The following MUSK variants were observed in gnomAD, a reference collection of about 807,000 sequenced individuals.
The protein encoded by MUSK is muscle, skeletal receptor tyrosine-protein kinase.
Under a neutral mutation model 88.7 loss-of-function variants are expected in MUSK, and 55 were observed. That is an observed-to-expected ratio of 0.62 (90% CI 0.50 to 0.78). The LOEUF is 0.78. MUSK is among the 30% of genes least tolerant of loss of function. The probability of loss-of-function intolerance (pLI) is 0.00; values close to 1 mark genes in which losing one functional copy is unlikely to be tolerated. For synonymous variants in MUSK, 387 were observed against 391.9 expected, an observed-to-expected ratio of 0.99 and a Z score of 0.15; for missense variants, 1,015 against 1,074.3, an observed-to-expected ratio of 0.94 and a Z score of 0.77.
chr9:110,690,124 A>AAATATATAAATATATAAATATATATT lies in MUSK; in HGVS notation c.358+2856_358+2857insAATATATAAATATATAAATATATATT, dbSNP rs1564219090. ...GTATAAATATAGAAATATATATTAT[A>AAATATATAAATATATAAATATATATT]TAAGTATAAATATAGAAATATATAT... On this transcript the variant is annotated intron_variant, in intron 3 of 14. Transcript: ENST00000374448. Among the ~76,000 whole-genome samples, 431 of 94,510 alleles carry AAATATATAAATATATAAATATATATT rather than the reference A, an allele frequency of 4.6e-3. 8 individuals carry two copies. Among genetic ancestry groups the AAATATATAAATATATAAATATATATT allele is most frequent in the African/African-American group, 0.018 (416 of 22,734 alleles). The allele number at this position is 94,510 out of a possible 152,430, so 62.0% of individuals were successfully genotyped here. A position where few individuals can be genotyped will look rare whatever the true frequency, so the allele number is the denominator to read the frequency against.
chr9:110,745,980 C>T (rs1398097389), intron 6 of MUSK, among the ~76,000 whole-genome samples: 1 of 152,210 alleles, frequency 6.6e-6, no homozygotes, highest in African/African-American at 2.4e-5. Flanking sequence ...GAGCTTTCTT[C>T]TTCCTGGCTA....
chr9:110,694,283 AGC>A (rs1564223950), intron 3 of MUSK, among the ~76,000 whole-genome samples: 1 of 148,398 alleles, frequency 6.7e-6, no homozygotes, highest in Non-Finnish European at 1.5e-5. Flanking sequence ...CTACTCGGGA[AGC>A]TGAGGCAGGA....
chr9:110,725,117 A>C (rs1034088971), intron 5 of MUSK, among the ~76,000 whole-genome samples: 1 of 152,018 alleles, frequency 6.6e-6, no homozygotes, highest in African/African-American at 2.4e-5. Flanking sequence ...ACCTGGTTGG[A>C]ATTGGAGATC....
intron 7 of MUSK, among the ~76,000 whole-genome samples, chr9:110,752,269 C>G (rs770649815): frequency 2.0e-5 from 3 of 152,178 alleles, no homozygotes; most frequent in Non-Finnish European, 2.9e-5. Context: ...GAAACTACCT[C>G]CCAACACTGG....
chr9:110,751,538 C>T (rs555372316), intron 7 of MUSK, among the ~76,000 whole-genome samples: 39 of 152,264 alleles, frequency 2.6e-4, no homozygotes, highest in South Asian at 1.2e-3. Context: ...GCTGCAGCAG[C>T]AGAGGTGAGT....
At chr9:110,769,110 C>T (rs2077528549) in intron 9 of MUSK, among the ~76,000 whole-genome samples, 1 of 152,156 alleles carries the variant, frequency 6.6e-6, no homozygotes, top group South Asian at 2.1e-4. Context: ...AAATCACACT[C>T]ATGGAATATG....
chr9:110,773,575 A>T (rs1000723509), intron 9 of MUSK, among the ~76,000 whole-genome samples: 2 of 152,068 alleles, frequency 1.3e-5, no homozygotes, highest in Non-Finnish European at 1.5e-5. Flanking sequence ...TCCTAATTTA[A>T]ATTCACTTCT....
At chr9:110,783,202 G>A (rs916574808) in intron 11 of MUSK, among the ~76,000 whole-genome samples, 3 of 151,952 alleles carry the variant, frequency 2.0e-5, no homozygotes, top group Non-Finnish European at 1.5e-5. Flanking sequence ...TTTCGTTTAG[G>A]ATCTTCTAAA....
chr9:110,770,638 CA>C (rs1564281074), intron 9 of MUSK, among the ~76,000 whole-genome samples: 1 of 151,156 alleles, frequency 6.6e-6, no homozygotes, highest in African/African-American at 2.4e-5. Flanking sequence ...ACTTAGGGCA[CA>C]GAGCTATATT....
At chr9:110,697,979 C>T (rs998776345) in intron 5 of MUSK, among the ~76,000 whole-genome samples, 4 of 151,086 alleles carry the variant, frequency 2.6e-5, no homozygotes, top group Non-Finnish European at 5.9e-5. Context: ...TTATCAAAAT[C>T]GTTTTTCTTT....
chr9:110,671,883 G>T (rs1366563041), intron 1 of MUSK, among the ~76,000 whole-genome samples: 1 of 152,188 alleles, frequency 6.6e-6, no homozygotes, highest in Non-Finnish European at 1.5e-5. Flanking sequence ...ACTATCAAAA[G>T]TCTCACTTTC....
intron 9 of MUSK, among the ~76,000 whole-genome samples, chr9:110,774,764 C>T (rs1321192590): frequency 2.6e-5 from 4 of 152,048 alleles, no homozygotes; most frequent in Admixed American, 2.6e-4. Flanking sequence ...TTCATATGCA[C>T]AGCCTTTTAT....
At position 110,717,177 on chromosome 9, in the gene MUSK, C is replaced by T. The variant is rs189977256; in HGVS notation, c.629-17074C>T. On this transcript the variant is annotated intron_variant, in intron 5 of 14. Transcript: ENST00000374448. ...TGTATTATGCTGTTTCTTTTCTCTG[C>T]TTCTTTTTTTAATTCCTTTTCTGTT... is the stretch of plus-strand genomic sequence containing the variant. Among the ~76,000 whole-genome samples the T allele has an allele frequency of 2.5e-3, 380 of 149,442 alleles. 37 individuals carry two copies. Among genetic ancestry groups the T allele is most frequent in the African/African-American group, 8.5e-3 (337 of 39,436 alleles).
chr9:110,689,468 TATGTAAA>T (rs1170069429), intron 3 of MUSK, among the ~76,000 whole-genome samples: 4 of 110,314 alleles, frequency 3.6e-5, no homozygotes, highest in African/African-American at 8.2e-5. Context: ...TATTTATATA[TATGTAAA>T]AAATATAAAA....
chr9:110,744,129 A>G (rs1008294004), intron 6 of MUSK, among the ~76,000 whole-genome samples: 7 of 152,008 alleles, frequency 4.6e-5, no homozygotes, highest in African/African-American at 1.7e-4. Flanking sequence ...CATCAAGCCC[A>G]GCTAACTTTT....
At chr9:110,788,244 G>A (rs1161016830) in intron 14 of MUSK, 1 of 170,660 alleles carries the variant, frequency 5.9e-6, no homozygotes, top group African/African-American at 2.4e-5. Flanking sequence ...TCATTGTTGA[G>A]TTCCAGTTTA....
chr9:110,787,643 T>C (rs1219020127), intron 13 of MUSK, 47 bp from the exon 14 acceptor site: 1 of 1,585,112 alleles, frequency 6.3e-7, no homozygotes, highest in Non-Finnish European at 8.6e-7. Context: ...TATAAAGATA[T>C]GATGTCCATG....
intron 14 of MUSK, among the ~76,000 whole-genome samples, chr9:110,790,776 A>G (rs1257237832): frequency 1.3e-5 from 2 of 152,218 alleles, no homozygotes; most frequent in Non-Finnish European, 2.9e-5. Context: ...CTAGAGAAAC[A>G]TAATATGATT....
intron 5 of MUSK, among the ~76,000 whole-genome samples, chr9:110,724,325 T>C (rs191041164): frequency 7.8e-4 from 118 of 152,110 alleles, no homozygotes; most frequent in African/African-American, 2.7e-3. Flanking sequence ...AAATTATGAT[T>C]TGCCACTGTA....
Sources: gnomAD v4.1 joint callset for allele counts (sites outside exome capture counted in the v4.1 genomes callset) on GRCh38, gnomAD v4.1.1 for gene constraint, MANE v1.5 for transcripts, NCBI Gene and HGNC (gene_info 2026-07-23, HGNC 2026-07-21) for gene names.